Variants in PTPRM observed in about 807,000 individuals in gnomAD.
PTPRM encodes protein tyrosine phosphatase receptor type M, also known as receptor-type tyrosine-protein phosphatase mu.
In PTPRM, 47 loss-of-function variants were observed where a neutral mutation model predicts 186.7. The observed-to-expected ratio is 0.25, with a 90% CI of 0.20 to 0.32. The LOEUF (loss-of-function observed/expected upper bound fraction) is 0.32. Ranked by LOEUF, PTPRM falls within the 10% of genes least tolerant of loss-of-function variation. The pLI, the probability that PTPRM is intolerant of heterozygous loss-of-function variation, is 1.00. For missense variants in PTPRM, 1,494 were observed against 1,865.0 expected (o/e 0.80, Z 3.66); for synonymous variants, 668 against 674.9 (o/e 0.99, Z 0.16).
At chr18:8,121,804 T>C (rs1465308066) in intron 13 of PTPRM, 1 of 152,230 alleles carries the variant, frequency 6.6e-6, no homozygotes, top group African/African-American at 2.4e-5. Flanking sequence ...ATTTCAACAA[T>C]AGAATGTTGA....
At chr18:7,781,720 C>A (rs1434506442) in intron 2 of PTPRM, among the ~76,000 whole-genome samples, 1 of 152,152 alleles carries the variant, frequency 6.6e-6, no homozygotes, top group African/African-American at 2.4e-5. Context: ...GCATTTCCAT[C>A]TGACACATTT....
chr18:8,390,935 AAATAATAATAATAAT>A (rs71356213), intron 31 of PTPRM, among the ~76,000 whole-genome samples: 2 of 143,382 alleles, frequency 1.4e-5, no homozygotes, highest in East Asian at 2.0e-4. Flanking sequence ...CTCAAAAAGA[AAATAATAATAATAAT>A]AATAATAATA....
At chr18:7,690,951 A>G (rs986544356) in intron 1 of PTPRM, among the ~76,000 whole-genome samples, 5 of 152,194 alleles carry the variant, frequency 3.3e-5, no homozygotes, top group African/African-American at 1.2e-4. Flanking sequence ...TGGAATTTTA[A>G]TGGAATGTGA....
At chr18:8,024,803 C>T (rs2085465287) in intron 7 of PTPRM, among the ~76,000 whole-genome samples, 1 of 151,738 alleles carries the variant, frequency 6.6e-6, no homozygotes, top group Admixed American at 6.6e-5. Context: ...TCCACCTCAG[C>T]CCCCCAAGTA....
At chr18:8,402,995 A>G (rs1317146674) in intron 32 of PTPRM, 2 of 152,218 alleles carry the variant, frequency 1.3e-5, no homozygotes, top group South Asian at 4.1e-4. Flanking sequence ...CTTTAAAGGC[A>G]AACCAAGTCC....
chr18:7,812,845 G>A (rs999205690), intron 2 of PTPRM, among the ~76,000 whole-genome samples: 1 of 152,092 alleles, frequency 6.6e-6, no homozygotes, highest in Non-Finnish European at 1.5e-5. Flanking sequence ...CACAGTGTAT[G>A]AATGAGGCAT....
At chr18:8,284,130 G>T (rs2094931572) in intron 19 of PTPRM, among the ~76,000 whole-genome samples, 1 of 152,138 alleles carries the variant, frequency 6.6e-6, no homozygotes, top group Admixed American at 6.6e-5. Flanking sequence ...TCCTCCAAGG[G>T]CATTAGCTCT....
chr18:7,583,189 A>C (rs1426650087), intron 1 of PTPRM, among the ~76,000 whole-genome samples: 1 of 152,222 alleles, frequency 6.6e-6, no homozygotes, highest in Non-Finnish European at 1.5e-5. Flanking sequence ...CTTGATTCAT[A>C]AATTTGCTAC....
intron 7 of PTPRM, among the ~76,000 whole-genome samples, chr18:7,958,185 G>A (rs1239193076): frequency 7.8e-6 from 1 of 128,754 alleles, no homozygotes; most frequent in Admixed American, 9.3e-5. Flanking sequence ...TCCCTGTGAT[G>A]TTAGTGCCTC....
At chr18:8,147,856 G>T (rs914595580) in intron 14 of PTPRM, among the ~76,000 whole-genome samples, 2 of 152,090 alleles carry the variant, frequency 1.3e-5, no homozygotes, top group Non-Finnish European at 2.9e-5. Flanking sequence ...AGCATGGAGG[G>T]CTGTTGAATT....
At chr18:7,791,357 A>G (rs949734540) in intron 2 of PTPRM, among the ~76,000 whole-genome samples, 10 of 152,324 alleles carry the variant, frequency 6.6e-5, no homozygotes, top group Non-Finnish European at 1.0e-4. Context: ...GTGACAAATA[A>G]ATCTCACAAT....
At chr18:8,079,049 T>C (rs1568305517) in intron 9 of PTPRM, among the ~76,000 whole-genome samples, 1 of 152,226 alleles carries the variant, frequency 6.6e-6, no homozygotes, top group Non-Finnish European at 1.5e-5. Flanking sequence ...CTCTGTTCTC[T>C]CTTTGCTTAT....
At chr18:7,965,872 C>A (rs1057105898) in intron 7 of PTPRM, among the ~76,000 whole-genome samples, 3 of 152,206 alleles carry the variant, frequency 2.0e-5, no homozygotes, top group Non-Finnish European at 4.4e-5. Flanking sequence ...AATGTGGGCT[C>A]ACTGGGACAT....
chr18:7,574,941 A>G (rs942846366), intron 1 of PTPRM, among the ~76,000 whole-genome samples: 1 of 152,202 alleles, frequency 6.6e-6, no homozygotes, highest in South Asian at 2.1e-4. Context: ...CTGAGGCAGG[A>G]GAATGGCGTG....
intron 1 of PTPRM, among the ~76,000 whole-genome samples, chr18:7,649,577 C>G (rs1421585507): frequency 6.6e-6 from 1 of 151,968 alleles, no homozygotes; most frequent in Non-Finnish European, 1.5e-5. Context: ...GAAGTTGATT[C>G]CAACCCTCGT....
At chr18:8,170,181 A>G (rs967824210) in intron 14 of PTPRM, among the ~76,000 whole-genome samples, 2 of 152,194 alleles carry the variant, frequency 1.3e-5, no homozygotes, top group African/African-American at 4.8e-5. Flanking sequence ...CTGACATGTC[A>G]GTGACAATAC....
At chr18:7,776,474 A>G (rs2042586632) in intron 2 of PTPRM, among the ~76,000 whole-genome samples, 1 of 151,860 alleles carries the variant, frequency 6.6e-6, no homozygotes, top group Non-Finnish European at 1.5e-5. Context: ...TATTTTTGCC[A>G]TAATATAGAA....
intron 1 of PTPRM, among the ~76,000 whole-genome samples, chr18:7,647,787 A>G (rs1023828351): frequency 5.9e-5 from 9 of 152,218 alleles, no homozygotes; most frequent in African/African-American, 2.2e-4. Context: ...ATCACCTGCC[A>G]GGAGGACTTG....
chr18:8,001,867 C>A (rs1204735119), intron 7 of PTPRM, among the ~76,000 whole-genome samples: 1 of 152,180 alleles, frequency 6.6e-6, no homozygotes, highest in Admixed American at 6.5e-5. Flanking sequence ...CATATTCTAC[C>A]AATGTTAAGA....
Sources: gnomAD v4.1 joint callset for allele counts (sites outside exome capture counted in the v4.1 genomes callset) on GRCh38, gnomAD v4.1.1 for gene constraint, MANE v1.5 for transcripts, NCBI Gene and HGNC (gene_info 2026-07-23, HGNC 2026-07-21) for gene names.